C19orf38: variants seen among roughly 807,000 people sequenced by gnomAD.
The protein encoded by C19orf38 is protein HIDE1.
A neutral mutation model predicts 26.6 loss-of-function variants in C19orf38; 14 were observed. The ratio of observed to expected loss-of-function variants is 0.53; its 90% CI spans 0.35 to 0.82. C19orf38 has a LOEUF of 0.82. Among genes scored for constraint, C19orf38 ranks in the 40% least tolerant of loss-of-function variants. The probability of loss-of-function intolerance (pLI) is 0.01; values close to 1 mark genes in which losing one functional copy is unlikely to be tolerated. For synonymous variants in C19orf38, 132 were observed against 128.5 expected (o/e 1.03, Z -0.18); for missense variants, 261 against 299.5 (o/e 0.87, Z 0.95).
chr19:10,850,391 G>A lies in C19orf38; in HGVS notation c.164G>A (p.Gly55Glu). 6.4e-7 allele frequency: 1 copy of A among 1,550,854 alleles called. No individual in the cohort carries two copies. Among genetic ancestry groups the A allele is most frequent in the Non-Finnish European group, 8.7e-7 (1 of 1,146,508 alleles). ...PGANFTLYRG[G>E]QVVQLLQAPT... ...GCGAATTTCACACTGTATCGAGGGG[G>A]GCAGGTGGTCCAGCTCCTGCAGGCC... The change falls in exon 2 of 7, where the codon GGG (glycine) becomes GAG (glutamate). Residue 55 changes from glycine to glutamate, a missense_variant. Coordinates refer to ENST00000397820, the MANE Select transcript of C19orf38 (RefSeq NM_001136482.3).
chr19:10,848,673 A>T (rs1473996551), intron 1 of C19orf38, 134 bp downstream of exon 1: 2 of 772,938 alleles, frequency 2.6e-6, no homozygotes, highest in Non-Finnish European at 2.1e-6. Context: ...CCCTTGGCAG[A>T]TGGGTTTTCC....
rs1044814795 is a variant in C19orf38 at position 10,850,579 on chromosome 19, C to G, written c.340+12C>G. The stretch of plus-strand genomic sequence containing the variant: ...CGTCTCCTTCCCAGGTAAGGCCCTT[C>G]TATGGGATCTCACTGCCGGGGGCTT... On this transcript the variant is annotated intron_variant, in intron 2 of 6. Coordinates refer to ENST00000397820, the MANE Select transcript of C19orf38 (RefSeq NM_001136482.3). 4.1e-5 allele frequency: 64 copies of G among 1,550,926 alleles called. No homozygotes were observed. The highest frequency in any genetic ancestry group is 1.7e-4 in the Middle Eastern group (1 of 5,992).
At chr19:10,858,247 A>AG (rs2073651643) in intron 3 of C19orf38, 69 bp from the exon 4 acceptor site, 2 of 1,264,806 alleles carry the variant, frequency 1.6e-6, no homozygotes, top group African/African-American at 1.5e-5. Context: ...AAAAAAAAAA[A>AG]AAAAACAGAA....
chr19:10,844,234 G>A (rs1282146012), upstream of C19orf38, among the ~76,000 whole-genome samples: 1 of 150,626 alleles, frequency 6.6e-6, no homozygotes, highest in East Asian at 2.0e-4. Flanking sequence ...GTGAAACCCT[G>A]TCTCTACTAA....
At chr19:10,843,317 A>C (rs1258110114) in intron 1 of C19orf38, among the ~76,000 whole-genome samples, 2 of 152,210 alleles carry the variant, frequency 1.3e-5, no homozygotes, top group African/African-American at 4.8e-5. Context: ...TTCAGGCTTT[A>C]AACTGTCTTT....
At chr19:10,841,984 C>A (rs2073481594) in intron 1 of C19orf38, 1 of 1,610,560 alleles carries the variant, frequency 6.2e-7, no homozygotes, top group Admixed American at 1.7e-5. Flanking sequence ...GGTCTTAAAT[C>A]TGGAGAAGGA....
chr19:10,861,900 T>G (rs779138278), intron 5 of C19orf38, among the ~76,000 whole-genome samples: 13 of 151,590 alleles, frequency 8.6e-5, no homozygotes, highest in Non-Finnish European at 1.8e-4. Flanking sequence ...TTGTTGTTTT[T>G]TGTTTGTTTT....
intron 2 of C19orf38, among the ~76,000 whole-genome samples, chr19:10,851,307 C>A (rs1000747461): frequency 6.6e-6 from 1 of 151,012 alleles, no homozygotes; most frequent in Non-Finnish European, 1.5e-5. Context: ...CTACCTCAGC[C>A]TCCCAAAGTG....
At chr19:10,847,464 C>A (rs1225491754), upstream of C19orf38, among the ~76,000 whole-genome samples, 1 of 151,014 alleles carries the variant, frequency 6.6e-6, no homozygotes, top group Non-Finnish European at 1.5e-5. Context: ...ATCTCCATCT[C>A]CTGGGTTCAA....
At chr19:10,850,189 C>T in intron 1 of C19orf38, 70 bp from the exon 2 acceptor site, 1 of 1,417,912 alleles carries the variant, frequency 7.1e-7, no homozygotes, top group East Asian at 2.6e-5. Flanking sequence ...GTCTACTTGC[C>T]CGAGGCCACA....
upstream of C19orf38, among the ~76,000 whole-genome samples, chr19:10,846,183 A>G (rs2073515332): frequency 6.6e-6 from 1 of 150,696 alleles, no homozygotes; most frequent in African/African-American, 2.4e-5. Flanking sequence ...CCCTGTCTCA[A>G]AAAAAAAATG....
upstream of C19orf38, among the ~76,000 whole-genome samples, chr19:10,847,031 G>A (rs1421080784): frequency 3.9e-5 from 6 of 152,298 alleles, no homozygotes; most frequent in African/African-American, 1.4e-4. Context: ...TTACTCTAAT[G>A]ACGCATTTTG....
intron 2 of C19orf38, among the ~76,000 whole-genome samples, chr19:10,852,164 GAT>G (rs1034361782): frequency 6.6e-5 from 10 of 151,156 alleles, no homozygotes; most frequent in African/African-American, 2.4e-4. Flanking sequence ...AAAAAAAAAA[GAT>G]ATTGACCAGG....
intron 5 of C19orf38, chr19:10,860,163 C>T (rs2073681355): frequency 1.7e-6 from 1 of 577,296 alleles, no homozygotes; most frequent in South Asian, 1.9e-5. Flanking sequence ...GAAGCCTTCC[C>T]TGACTCCCTA....
chr19:10,859,033 G>A (rs983915575), intron 4 of C19orf38, among the ~76,000 whole-genome samples: 39 of 150,518 alleles, frequency 2.6e-4, no homozygotes, highest in Admixed American at 2.3e-3. Flanking sequence ...TGCCTCCTGC[G>A]TTCAAGCAGT....
At chr19:10,858,957 A>G (rs1475968088) in intron 4 of C19orf38, among the ~76,000 whole-genome samples, 1 of 134,978 alleles carries the variant, frequency 7.4e-6, no homozygotes, top group Admixed American at 7.7e-5. Flanking sequence ...TTTTTTTGAG[A>G]TGGAGTTTCA....
chr19:10,838,820 G>C (rs1444792109), intron 1 of C19orf38, among the ~76,000 whole-genome samples: 1 of 152,146 alleles, frequency 6.6e-6, no homozygotes, highest in Non-Finnish European at 1.5e-5. Context: ...TGTGCCATTT[G>C]CATAGGGTGT....
intron 1 of C19orf38, among the ~76,000 whole-genome samples, chr19:10,849,307 C>T (rs1375994732): frequency 6.6e-6 from 1 of 152,162 alleles, no homozygotes; most frequent in Non-Finnish European, 1.5e-5. Flanking sequence ...AGGCGTGAGC[C>T]ACTGCATCAG....
intron 6 of C19orf38, among the ~76,000 whole-genome samples, chr19:10,867,121 C>T (rs904269509): frequency 1.3e-5 from 2 of 151,786 alleles, no homozygotes; most frequent in Non-Finnish European, 2.9e-5. Context: ...AACTTGTCTC[C>T]GTGCAACACC....
Sources: allele counts gnomAD v4.1 joint callset (sites outside exome capture counted in the v4.1 genomes callset), GRCh38; gene constraint gnomAD v4.1.1; transcripts MANE v1.5; gene names NCBI Gene and HGNC (gene_info 2026-07-23, HGNC 2026-07-21).